The following POU2AF1 variants were observed in gnomAD, a reference collection of about 807,000 sequenced individuals.
POU2AF1 encodes POU class 2 homeobox associating factor 1.
Under a neutral mutation model 26.3 loss-of-function variants are expected in POU2AF1, and 12 were observed. The observed-to-expected ratio is 0.46, with a 90% CI of 0.29 to 0.74. POU2AF1 has a LOEUF of 0.74. POU2AF1 is among the 30% of genes least tolerant of loss of function. The pLI, the probability that POU2AF1 is intolerant of heterozygous loss-of-function variation, is 0.09. For missense variants in POU2AF1, 297 were observed against 334.5 expected (o/e 0.89, Z 0.87); for synonymous variants, 175 against 148.0 (o/e 1.18, Z -1.32).
At chr11:111,357,410 A>G (rs1031058329) in intron 4 of POU2AF1, 35 bp downstream of exon 4, 3 of 1,613,042 alleles carry the variant, frequency 1.9e-6, no homozygotes, top group Non-Finnish European at 2.5e-6. Flanking sequence ...TGCACTCAGC[A>G]TGGGCGGGTG....
At position 111,354,306 on chromosome 11, in the gene POU2AF1, G is replaced by A. The variant is rs138480936; in HGVS notation, c.726C>T (p.Ser242=). Residue 242 remains serine, a synonymous_variant, in exon 5 of 5, where the codon AGC becomes AGT. Coordinates refer to ENST00000393067, the MANE Select transcript of POU2AF1 (RefSeq NM_006235.3). ...GAGTGTGGTTAAGCGCATAGGCGTC[G>A]CTATCCTCTTCCTCCAAAAGCAGCT... ...IDKLLLEEED[S]DAYALNHTLS... 109 of 1,614,116 alleles carry A rather than the reference G, an allele frequency of 6.8e-5. No individual in the cohort carries two copies. The highest frequency in any genetic ancestry group is 1.7e-4 in the Admixed American group (10 of 60,002).
chr11:111,372,090 A>AGAGAGAGAGAGAGAG (rs1861224629), intron 1 of POU2AF1, among the ~76,000 whole-genome samples: 1 of 140,838 alleles, frequency 7.1e-6, no homozygotes, highest in African/African-American at 2.6e-5. Flanking sequence ...AGAGAGAGAG[A>AGAGAGAGAGAGAGAG]TGAAGGAGCA....
rs551701246 is a variant in POU2AF1, at chr11:111,358,680, A to C, written c.147+108T>G. The C allele has an allele frequency of 9.4e-6, 12 of 1,281,236 alleles. No individual in the cohort carries two copies. In the East Asian group the frequency reaches 2.6e-4, roughly 28 times the overall value. 79.4% of individuals were successfully genotyped at this position (1,281,236 alleles called of 1,614,324 possible). ...CACTCTATCACACACAAACACATAC[A>C]CACACGCATACACATACTCACACAC... On this transcript the variant is annotated intron_variant, in intron 2 of 4. Transcript: ENST00000393067.
intron 4 of POU2AF1, among the ~76,000 whole-genome samples, chr11:111,355,919 A>G (rs1212841826): frequency 6.6e-6 from 1 of 152,188 alleles, no homozygotes. Context: ...CAGCTTTTCA[A>G]AAATCCAGAT....
At chr11:111,373,204 C>T (rs891005251) in intron 1 of POU2AF1, among the ~76,000 whole-genome samples, 1 of 152,350 alleles carries the variant, frequency 6.6e-6, no homozygotes, top group Admixed American at 6.5e-5. Flanking sequence ...TACTGCATAG[C>T]ACCAAATAAG....
chr11:111,354,780 T>C (rs1156356430), intron 4 of POU2AF1, among the ~76,000 whole-genome samples: 1 of 152,124 alleles, frequency 6.6e-6, no homozygotes, highest in Admixed American at 6.6e-5. Context: ...TCCTGACCCT[T>C]CCTAGCTATA....
intron 1 of POU2AF1, 119 bp downstream of exon 1, chr11:111,379,043 C>G: frequency 1.8e-6 from 2 of 1,110,016 alleles, no homozygotes; most frequent in Non-Finnish European, 2.6e-6. Context: ...GGAACCCAGA[C>G]CCCCTCCCCC....
Position 111,372,260 on chromosome 11 carries a change from T to A in POU2AF1, c.16+6902A>T, listed in dbSNP as rs145495556. 4.1e-3 allele frequency among the ~76,000 whole-genome samples: 620 copies of A among 152,218 alleles called. 4 individuals are homozygous for A. Among genetic ancestry groups the A allele is most frequent in the African/African-American group, 0.014 (575 of 41,534 alleles). On this transcript the variant is annotated intron_variant, in intron 1 of 4. Transcript: ENST00000393067. ...TATTTGGGGGCAAACTCTAGATCCT[T>A]CTCTGAGCCTTTTATTATAGCTAAA...
At chr11:111,365,398 T>C (rs910310039) in intron 1 of POU2AF1, among the ~76,000 whole-genome samples, 2 of 152,128 alleles carry the variant, frequency 1.3e-5, no homozygotes, top group Non-Finnish European at 2.9e-5. Flanking sequence ...CTTGTAGCCG[T>C]ACAAGGCCAT....
At position 111,354,303 on chromosome 11, in the gene POU2AF1, G is replaced by T; in HGVS notation, c.729C>A (p.Asp243Glu). 1 of 1,614,216 alleles carries T rather than the reference G, an allele frequency of 6.2e-7. No homozygotes were observed. Among genetic ancestry groups the T allele is most frequent in the South Asian group, 1.1e-5 (1 of 91,076 alleles). The stretch of plus-strand genomic sequence containing the variant: ...AGAGAGTGTGGTTAAGCGCATAGGC[G>T]TCGCTATCCTCTTCCTCCAAAAGCA... ...DKLLLEEEDS[D>E]AYALNHTLSV... Residue 243 changes from aspartate to glutamate, a missense_variant, in exon 5 of 5, where the codon GAC (aspartate) becomes GAA (glutamate). By Grantham distance (45) the Asp-to-Glu change is conservative (BLOSUM62 2). Coordinates refer to ENST00000393067, the MANE Select transcript of POU2AF1 (RefSeq NM_006235.3).
chr11:111,379,013 C>A, intron 1 of POU2AF1, 149 bp downstream of exon 1: 1 of 760,432 alleles, frequency 1.3e-6, no homozygotes, highest in South Asian at 2.0e-5. Context: ...CCCACCTCCC[C>A]CCTCCCTGCT....
At chr11:111,362,966 G>T (rs1404187856) in intron 1 of POU2AF1, 16 of 216,744 alleles carry the variant, frequency 7.4e-5, no homozygotes, top group Non-Finnish European at 1.0e-4. Flanking sequence ...CACACACTTG[G>T]CTGGAAAGGG....
chr11:111,373,411 G>T (rs537175720), intron 1 of POU2AF1, among the ~76,000 whole-genome samples: 1 of 152,348 alleles, frequency 6.6e-6, no homozygotes, highest in East Asian at 1.9e-4. Flanking sequence ...TCTAGGTTGA[G>T]ATCCAGGCAT....
At chr11:111,355,388 C>G (rs977564464) in intron 4 of POU2AF1, among the ~76,000 whole-genome samples, 1 of 152,194 alleles carries the variant, frequency 6.6e-6, no homozygotes, top group Admixed American at 6.5e-5. Context: ...AGGCCTGCAA[C>G]AGGGGCGGGA....
rs1337778526 is a variant in POU2AF1, at chr11:111,353,090, G to A, written c.*1171C>T. ...AACCCACATGGTAGCACTAAGCCTA[G>A]GCGAGGACCCATCACCTTTAGGCTT... On this transcript the variant is annotated 3_prime_UTR_variant, in exon 5 of 5. Transcript: ENST00000393067. 1 of 226,910 alleles carries A rather than the reference G, an allele frequency of 4.4e-6. No individual in the cohort carries two copies. Among genetic ancestry groups the A allele is most frequent in the African/African-American group, 2.2e-5 (1 of 44,910 alleles). 14.1% of individuals were successfully genotyped at this position (226,910 alleles called of 1,614,324 possible).
intron 1 of POU2AF1, among the ~76,000 whole-genome samples, chr11:111,378,903 C>T (rs932305795): frequency 2.6e-5 from 4 of 152,302 alleles, no homozygotes; most frequent in Non-Finnish European, 5.9e-5. Flanking sequence ...AGCGGAGGTA[C>T]CCTGAGCCGT....
At position 111,358,805 on chromosome 11, in the gene POU2AF1, C is replaced by G. The variant is rs1370577223; in HGVS notation, c.130G>C (p.Ala44Pro). The G allele has an allele frequency of 6.2e-7, 1 of 1,600,894 alleles. No individual in the cohort carries two copies. Among genetic ancestry groups the G allele is most frequent in the Non-Finnish European group, 8.5e-7 (1 of 1,176,962 alleles). ...ACTCTCACCGCCGTAGGTGCAGGTG[C>G]TGCCCCACTGCTGGCGTGGCCTCGC... ...RKRGHASSGA[A>P]PAPTAVVLPH... Residue 44 changes from alanine (A) to proline (P), a missense_variant, in exon 2 of 5, where the codon GCA becomes CCA. Physicochemically the swap from Ala to Pro is conservative, Grantham distance 27 (BLOSUM62 -1). Transcript: ENST00000393067.
At position 111,353,386 on chromosome 11, in the gene POU2AF1, G is replaced by A. The variant is rs1860773964; in HGVS notation, c.*875C>T. 1 of 233,864 alleles carries A rather than the reference G, an allele frequency of 4.3e-6. No homozygotes were observed. The highest frequency in any genetic ancestry group is 8.4e-6 in the Non-Finnish European group (1 of 118,376). 14.5% of individuals were successfully genotyped at this position (233,864 alleles called of 1,614,324 possible). On this transcript the variant is annotated 3_prime_UTR_variant, in exon 5 of 5. Coordinates refer to ENST00000393067, the MANE Select transcript of POU2AF1 (RefSeq NM_006235.3). ...CTCCCACACCCCTCTCTCCAACTAA[G>A]ATGCACAGCCTGTTCCCATCCCTCC... is the stretch of plus-strand genomic sequence containing the variant.
intron 1 of POU2AF1, among the ~76,000 whole-genome samples, chr11:111,362,631 A>T (rs1037732997): frequency 1.3e-5 from 2 of 152,190 alleles, no homozygotes; most frequent in Non-Finnish European, 2.9e-5. Context: ...ATGCTGTTGC[A>T]CACGTCAGTT....
Sources: allele counts gnomAD v4.1 joint callset (sites outside exome capture counted in the v4.1 genomes callset), GRCh38; gene constraint gnomAD v4.1.1; transcripts MANE v1.5; gene names NCBI Gene and HGNC (gene_info 2026-07-23, HGNC 2026-07-21).